Variants in ATP6V0D1 observed in about 807,000 individuals in gnomAD.
ATP6V0D1 encodes the protein V-type proton ATPase subunit d 1.
A neutral mutation model predicts 39.0 loss-of-function variants in ATP6V0D1; 13 were observed. That is an observed-to-expected ratio of 0.33 (90% CI 0.22 to 0.53). The LOEUF is 0.53. Among genes scored for constraint, ATP6V0D1 ranks in the 20% least tolerant of loss-of-function variants. The pLI is 0.94. For synonymous variants in ATP6V0D1, 191 were observed against 191.2 expected, an observed-to-expected ratio of 1.00 and a Z score of 0.01; for missense variants, 272 against 470.9, an observed-to-expected ratio of 0.58 and a Z score of 3.91.
chr16:67,473,401 T>C (rs1485813472), intron 1 of ATP6V0D1, among the ~76,000 whole-genome samples: 1 of 152,128 alleles, frequency 6.6e-6, no homozygotes, highest in Admixed American at 6.5e-5. Context: ...CAGGCTGCAG[T>C]GCAGTGGTGC....
chr16:67,466,126 T>C (rs2041327040), intron 1 of ATP6V0D1, among the ~76,000 whole-genome samples: 1 of 152,102 alleles, frequency 6.6e-6, no homozygotes, highest in South Asian at 2.1e-4. Flanking sequence ...CTCCCAGTCA[T>C]CAACCTCTGA....
chr16:67,438,282 C>CT lies in ATP6V0D1; in HGVS notation c.*245dup. 1 of 557,174 alleles carries CT rather than the reference C, an allele frequency of 1.8e-6. No homozygotes were observed. Among genetic ancestry groups the CT allele is most frequent in the South Asian group, 2.1e-5 (1 of 47,426 alleles). 34.5% of individuals were successfully genotyped at this position (557,174 alleles called of 1,614,324 possible). ...GCTGTAACCACAGGGCTGAGGGGGCCTCCTTGCTCTGGAGGGGGTCTTCGT... is the reference window on the plus strand; with the variant it reads ...GCTGTAACCACAGGGCTGAGGGGGCCTTCCTTGCTCTGGAGGGGGTCTTCGT... On this transcript the variant is annotated 3_prime_UTR_variant, in exon 8 of 8. Transcript: ENST00000290949.
At chr16:67,457,770 C>G in intron 1 of ATP6V0D1, 2 of 578,190 alleles carry the variant, frequency 3.5e-6, no homozygotes, top group Non-Finnish European at 5.8e-6. Flanking sequence ...ACCCCTGTGC[C>G]TTGGCTGCTG....
At position 67,439,041 on chromosome 16, in the gene ATP6V0D1, G is replaced by A. The variant is rs758993332; in HGVS notation, c.746C>T (p.Pro249Leu). 2 of 1,614,232 alleles carry A rather than the reference G, an allele frequency of 1.2e-6. No individual in the cohort carries two copies. The highest frequency in any genetic ancestry group is 1.7e-5 in the Admixed American group (1 of 60,032). Residue 249 changes from proline (P) to leucine (L), a missense_variant, in exon 6 of 8, where the codon CCT (proline) becomes CTT (leucine). By Grantham distance (98) the Pro-to-Leu change is moderately conservative. This residue lies in a region of ATP6V0D1 where 135 missense variants were observed against 273.8 expected (regional missense o/e 0.49). Transcript: ENST00000290949. Reference sequence around the variant, plus strand: ...CCGAGCCAGCTGCGCCAGGCCCTCAGGGTAGAGCCGCCCACAGTGTGGAAA... The same window carrying A: ...CCGAGCCAGCTGCGCCAGGCCCTCAAGGTAGAGCCGCCCACAGTGTGGAAA... ...KLFPHCGRLY[P>L]EGLAQLARAD...
chr16:67,452,230 T>C (rs1298767485), intron 2 of ATP6V0D1: 1 of 1,534,926 alleles, frequency 6.5e-7, no homozygotes, highest in Admixed American at 2.0e-5. Context: ...AGGTCCATGT[T>C]GGCATACCTT....
intron 1 of ATP6V0D1, among the ~76,000 whole-genome samples, chr16:67,475,221 C>A (rs1030635848): frequency 2.0e-5 from 3 of 152,232 alleles, no homozygotes; most frequent in Admixed American, 2.0e-4. Flanking sequence ...AACTTTCCAG[C>A]CACAGTCCTA....
intron 4 of ATP6V0D1, chr16:67,440,576 T>C (rs2041038072): frequency 6.6e-6 from 1 of 152,274 alleles, no homozygotes; most frequent in African/African-American, 2.4e-5. Context: ...TTGGATGGCA[T>C]GGAAAGCTTT....
chr16:67,443,073 C>T, intron 4 of ATP6V0D1, 26 bp downstream of exon 4: 1 of 1,610,670 alleles, frequency 6.2e-7, no homozygotes, highest in East Asian at 2.2e-5. Context: ...ACAGGCCAAT[C>T]CCCCATGGCT....
chr16:67,439,543 C>T, intron 4 of ATP6V0D1, 192 bp from the exon 5 acceptor site: 1 of 612,646 alleles, frequency 1.6e-6, no homozygotes, highest in Non-Finnish European at 2.9e-6. Flanking sequence ...CAAGTGGCAG[C>T]TGCCCACAGC....
intron 2 of ATP6V0D1, among the ~76,000 whole-genome samples, chr16:67,450,383 G>A (rs1467483733): frequency 6.6e-6 from 1 of 152,202 alleles, no homozygotes; most frequent in Non-Finnish European, 1.5e-5. Flanking sequence ...CCCCAGCCTG[G>A]GGGAGCTCAG....
rs1411088242 is a variant in ATP6V0D1, at chr16:67,439,318, G to A, written c.595C>T (p.Leu199=). The change falls in exon 5 of 8, where the codon CTA becomes TTA. Residue 199 remains leucine (L), a synonymous_variant. Coordinates refer to ENST00000290949, the MANE Select transcript of ATP6V0D1 (RefSeq NM_004691.5). ...YLESFYKFCT[L]LGGTTADAMC... ...GCATCAGCCGTAGTCCCGCCCAGTA[G>A]GGTGCAGAACTTGTAGAAGGACTCC... 1.2e-6 allele frequency: 2 copies of A among 1,614,062 alleles called. No individual in the cohort carries two copies. Among genetic ancestry groups the A allele is most frequent in the African/African-American group, 1.3e-5 (1 of 74,936 alleles).
chr16:67,471,447 C>T (rs1035937864), intron 1 of ATP6V0D1, among the ~76,000 whole-genome samples: 3 of 152,170 alleles, frequency 2.0e-5, no homozygotes, highest in African/African-American at 7.2e-5. Flanking sequence ...GCCTCAGCCT[C>T]CTAAAGGGCT....
At chr16:67,470,226 G>A (rs113728352) in intron 1 of ATP6V0D1, among the ~76,000 whole-genome samples, 5 of 152,110 alleles carry the variant, frequency 3.3e-5, no homozygotes, top group Admixed American at 2.0e-4. Context: ...TTGCAGGGTC[G>A]CACGGTATAT....
chr16:67,445,408 AAGGCTGAGG>A (rs2041104096), intron 2 of ATP6V0D1, among the ~76,000 whole-genome samples: 1 of 152,148 alleles, frequency 6.6e-6, no homozygotes, highest in Admixed American at 6.5e-5. Flanking sequence ...GACAGGAGGA[AAGGCTGAGG>A]AGTGGAGTGG....
At chr16:67,446,387 C>G (rs568177890) in intron 2 of ATP6V0D1, among the ~76,000 whole-genome samples, 3 of 152,326 alleles carry the variant, frequency 2.0e-5, no homozygotes, top group African/African-American at 7.2e-5. Flanking sequence ...CTCTCCACCC[C>G]CAATCTGGCT....
chr16:67,456,312 TG>T lies in ATP6V0D1; in HGVS notation c.131-2598del, dbSNP rs1567538325. The stretch of plus-strand genomic sequence containing the variant: ...TGTGCAAGTCTTTTTAAGAGAAACA[TG>T]GTTTATTTGTACAAAACTGAGAGAT... On this transcript the variant is annotated intron_variant, in intron 1 of 7. Coordinates refer to ENST00000290949, the MANE Select transcript of ATP6V0D1 (RefSeq NM_004691.5). The surrounding 1 kb of genome is among the most constrained non-coding windows in gnomAD (Gnocchi z 4.1). 6.6e-6 allele frequency: 1 copy of T among 152,206 alleles called. No homozygotes were observed. Among genetic ancestry groups the T allele is most frequent in the Non-Finnish European group, 1.5e-5 (1 of 68,034 alleles). 9.4% of individuals were successfully genotyped at this position (152,206 alleles called of 1,614,324 possible).
intron 1 of ATP6V0D1, among the ~76,000 whole-genome samples, chr16:67,464,865 C>A (rs996877600): frequency 6.6e-6 from 1 of 152,268 alleles, no homozygotes; most frequent in African/African-American, 2.4e-5. Context: ...GTCAGGGCTG[C>A]TCCTCCACAT....
rs1289916692 is a variant in ATP6V0D1, at chr16:67,445,910, T to TATGAGGGAGCTAA, written c.303-1217_303-1205dup. On this transcript the variant is annotated intron_variant, in intron 2 of 7. Coordinates refer to ENST00000290949, the MANE Select transcript of ATP6V0D1 (RefSeq NM_004691.5). ...TCTGTCACCAAAGATGAACTCAGGG[T>TATGAGGGAGCTAA]ATGAGGGAGCTAAATGAGGCCTAGG... The TATGAGGGAGCTAA allele has an allele frequency of 4.4e-6, 2 of 455,538 alleles. 1 individual carries two copies. The highest frequency in any genetic ancestry group is 8.8e-6 in the Non-Finnish European group (2 of 226,616). The allele number at this position is 455,538 out of a possible 1,614,324, so 28.2% of individuals were successfully genotyped here.
chr16:67,476,612 T>C (rs756733096), intron 1 of ATP6V0D1, among the ~76,000 whole-genome samples: 11 of 152,132 alleles, frequency 7.2e-5, no homozygotes, highest in African/African-American at 9.7e-5. Flanking sequence ...AGCTGGCAAC[T>C]ACAGAAGGAA....
Sources: gnomAD v4.1 joint callset for allele counts (sites outside exome capture counted in the v4.1 genomes callset) on GRCh38, gnomAD v4.1.1 for gene constraint, gnomAD v4.1.1 regional missense constraint, Gnocchi (gnomAD v3.1) non-coding constraint, MANE v1.5 for transcripts, NCBI Gene and HGNC (gene_info 2026-07-23, HGNC 2026-07-21) for gene names.